ZC3H4: variants seen among roughly 807,000 people sequenced by gnomAD.
The protein encoded by ZC3H4 is zinc finger CCCH-type containing 4, also known as zinc finger CCCH domain-containing protein 4.
ZC3H4 carries 13 observed loss-of-function variants against 108.3 expected under a neutral mutation model. The observed-to-expected ratio is 0.12, with a 90% CI of 0.08 to 0.19. ZC3H4 has a LOEUF of 0.19. Ranked by LOEUF, ZC3H4 falls within the 10% of genes least tolerant of loss-of-function variation. ZC3H4 has a pLI of 1.00. For missense variants in ZC3H4, 1,734 were observed against 1,838.8 expected (o/e 0.94, Z 1.04); for synonymous variants, 917 against 749.6 (o/e 1.22, Z -3.65).
At position 47,069,226 on chromosome 19, in the gene ZC3H4, C is replaced by T. The variant is rs565759816; in HGVS notation, c.2264G>A (p.Gly755Asp). Residue 755 changes from glycine (G) to aspartate (D), a missense_variant, in exon 14 of 15, where the codon GGC (glycine) becomes GAC (aspartate). Physicochemically the swap from Gly to Asp is moderately conservative, Grantham distance 94 (BLOSUM62 -1). Transcript: ENST00000253048. Reference protein sequence around the residue: ...EGGPPGRPKPGAGVPDFLPSA... With the variant: ...EGGPPGRPKPDAGVPDFLPSA... ...GGGCAGGAAGTCAGGGACACCGGCG[C>T]CTGGCTTCGGCCGGCCTGGGGGCCC... 1.9e-6 allele frequency: 3 copies of T among 1,613,380 alleles called. No homozygotes were observed. The African/African-American group carries it at 4.0e-5, about 21-fold the overall frequency.
At chr19:47,078,143 G>GC (rs1568541167) in intron 11 of ZC3H4, among the ~76,000 whole-genome samples, 1 of 151,886 alleles carries the variant, frequency 6.6e-6, no homozygotes, top group African/African-American at 2.4e-5. Context: ...CATACAAAAA[G>GC]CCCCCCTAAA....
intron 5 of ZC3H4, among the ~76,000 whole-genome samples, chr19:47,089,375 T>C (rs1188899252): frequency 6.6e-6 from 1 of 151,990 alleles, no homozygotes; most frequent in Non-Finnish European, 1.5e-5. Context: ...TTTTGGTTGC[T>C]GTTGTTGGTC....
chr19:47,104,983 C>T (rs374338785), intron 2 of ZC3H4, among the ~76,000 whole-genome samples: 401 of 151,858 alleles, frequency 2.6e-3, no homozygotes, highest in African/African-American at 9.3e-3. Flanking sequence ...ATGAAAATCC[C>T]TTCCATTTAA....
At chr19:47,081,768 G>A in intron 10 of ZC3H4, 146 bp from the exon 11 acceptor site, 2 of 713,346 alleles carry the variant, frequency 2.8e-6, no homozygotes, top group Non-Finnish European at 4.8e-6. Flanking sequence ...GGGCTGCTCA[G>A]TGGGTTGGCA....
chr19:47,071,434 G>T (rs1355141940), intron 13 of ZC3H4, among the ~76,000 whole-genome samples: 1 of 152,180 alleles, frequency 6.6e-6, no homozygotes, highest in Non-Finnish European at 1.5e-5. Context: ...TGCCCGGAAA[G>T]AGATGGTTTT....
At position 47,067,307 on chromosome 19, in the gene ZC3H4, T is replaced by A. The variant is rs569108744; in HGVS notation, c.2961A>T (p.Leu987=). Residue 987 remains leucine (L), a synonymous_variant, in exon 15 of 15, where the codon CTA becomes CTT. Coordinates refer to ENST00000253048, the MANE Select transcript of ZC3H4 (RefSeq NM_015168.2). The surrounding 1 kb of genome is among the most constrained non-coding windows in gnomAD (Gnocchi z 6.4). ...GCACTGCGTCCTGCTTGGGGATGGG[T>A]AGGGGGATCAGGTCCTCGGGATTCC... ...VLWNPEDLIP[L]PIPKQDAVPP... is the part of the protein sequence containing the mutation. 5.6e-6 allele frequency: 9 copies of A among 1,593,192 alleles called. No individual in the cohort carries two copies. The South Asian group carries it at 1.0e-4, about 18-fold the overall frequency.
Position 47,097,426 on chromosome 19 carries a change from G to A in ZC3H4, c.162-2818C>T, listed in dbSNP as rs1471017353. On this transcript the variant is annotated intron_variant, in intron 2 of 14. Coordinates refer to ENST00000253048, the MANE Select transcript of ZC3H4 (RefSeq NM_015168.2). ...CCATGTCAGGCCCTCAAGCCCCTCC[G>A]AGCCCTGGGCTAACTTCTGTCCACA... Among the ~76,000 whole-genome samples, 6 of 152,180 alleles carry A rather than the reference G, an allele frequency of 3.9e-5. No individual in the cohort carries two copies. In the East Asian group the frequency reaches 7.7e-4, roughly 20 times the overall value.
chr19:47,079,461 G>A (rs992166386), intron 11 of ZC3H4, among the ~76,000 whole-genome samples: 8 of 151,378 alleles, frequency 5.3e-5, no homozygotes, highest in African/African-American at 1.9e-4. Context: ...GGGCAGCACT[G>A]GCCTGAAGCA....
chr19:47,072,101 G>T lies in ZC3H4; in HGVS notation c.1823C>A (p.Pro608His). 6.5e-7 allele frequency: 1 copy of T among 1,538,460 alleles called. No homozygotes were observed. The highest frequency in any genetic ancestry group is 8.7e-7 in the Non-Finnish European group (1 of 1,146,076). Residue 608 changes from proline (P) to histidine (H), a missense_variant, in exon 13 of 15, where the codon CCC (proline) becomes CAC (histidine). Coordinates refer to ENST00000253048, the MANE Select transcript of ZC3H4 (RefSeq NM_015168.2). The surrounding 1 kb of genome is among the most constrained non-coding windows in gnomAD (Gnocchi z 5.6). Reference sequence around the variant, plus strand: ...GGGCCCAGGGCCCATTGGCCCTGGGGGTCCACCGGGTCCAGGGAACCTAGA... The same window carrying T: ...GGGCCCAGGGCCCATTGGCCCTGGGTGTCCACCGGGTCCAGGGAACCTAGA... ...LGVRFPGPGG[P>H]PGPMGPGPNM...
At chr19:47,109,587 C>T (rs1241302818) in intron 2 of ZC3H4, among the ~76,000 whole-genome samples, 1 of 152,146 alleles carries the variant, frequency 6.6e-6, no homozygotes, top group Non-Finnish European at 1.5e-5. Context: ...ACATTTCTTG[C>T]AGGATATCGT....
intron 2 of ZC3H4, 93 bp from the exon 3 acceptor site, chr19:47,094,701 C>T (rs2057793423): frequency 3.0e-6 from 4 of 1,342,358 alleles, no homozygotes; most frequent in Non-Finnish European, 1.0e-6. Context: ...GAACCGAAGG[C>T]CTGACTGCTG....
intron 1 of ZC3H4, 36 bp downstream of exon 1, chr19:47,113,684 G>A (rs989696648): frequency 2.6e-5 from 4 of 152,096 alleles, no homozygotes; most frequent in Admixed American, 2.0e-4. Context: ...TGGGAGGGAA[G>A]GAATTCAGGC....
In ZC3H4 at chr19:47,065,211, A is replaced by C. The variant is rs2057177748; in HGVS notation, c.*1145T>G. On this transcript the variant is annotated 3_prime_UTR_variant, in exon 15 of 15. Coordinates refer to ENST00000253048, the MANE Select transcript of ZC3H4 (RefSeq NM_015168.2). ...TCCCCTGGCTGCAGGGTTCCCACTCAGTCCGTTTCTTAAGTGTCCACAAAT... is the reference window on the plus strand; with the variant it reads ...TCCCCTGGCTGCAGGGTTCCCACTCCGTCCGTTTCTTAAGTGTCCACAAAT... The C allele has an allele frequency of 1.3e-5, 2 of 152,346 alleles. No individual in the cohort carries two copies. 9.4% of individuals were successfully genotyped at this position (152,346 alleles called of 1,614,324 possible).
At chr19:47,110,687 T>C (rs186857078) in intron 2 of ZC3H4, among the ~76,000 whole-genome samples, 23 of 152,282 alleles carry the variant, frequency 1.5e-4, no homozygotes, top group Non-Finnish European at 2.5e-4. Context: ...GAGAACTCCT[T>C]AGAGGTCGAA....
chr19:47,089,696 G>C (rs1159048182), intron 5 of ZC3H4, among the ~76,000 whole-genome samples: 5 of 104,380 alleles, frequency 4.8e-5, no homozygotes, highest in African/African-American at 1.0e-4. Context: ...AAGAGAAGCT[G>C]TTCCCTTCTC....
In ZC3H4 at chr19:47,066,636, G is replaced by A. The variant is rs745499950; in HGVS notation, c.3632C>T (p.Pro1211Leu). ...TGKAGADGGT[P>L]TDRYNSYNRP... Reference sequence around the variant, plus strand: ...GTTGTAGCTGTTGTATCTGTCCGTGGGGGTGCCCCCATCAGCACCGGCCTT... The same window carrying A: ...GTTGTAGCTGTTGTATCTGTCCGTGAGGGTGCCCCCATCAGCACCGGCCTT... The change falls in exon 15 of 15, where the codon CCC (proline) becomes CTC (leucine). Residue 1211 changes from proline to leucine, a missense_variant. Physicochemically the swap from Pro to Leu is moderately conservative, Grantham distance 98 (BLOSUM62 -3). This residue lies in a region of ZC3H4 where 518 missense variants were observed against 499.6 expected (regional missense o/e 1.04). Coordinates refer to ENST00000253048, the MANE Select transcript of ZC3H4 (RefSeq NM_015168.2). The A allele has an allele frequency of 6.2e-7, 1 of 1,611,950 alleles. No homozygotes were observed. The highest frequency in any genetic ancestry group is 8.5e-7 in the Non-Finnish European group (1 of 1,179,646).
chr19:47,083,928 A>G (rs2057568115), intron 9 of ZC3H4, among the ~76,000 whole-genome samples: 1 of 150,600 alleles, frequency 6.6e-6, no homozygotes, highest in Admixed American at 6.6e-5. Flanking sequence ...CTGACATTGA[A>G]CTCTGCTATG....
At chr19:47,106,179 G>A (rs1220057823) in intron 2 of ZC3H4, among the ~76,000 whole-genome samples, 2 of 152,198 alleles carry the variant, frequency 1.3e-5, no homozygotes, top group African/African-American at 2.4e-5. Flanking sequence ...CAAAGACACT[G>A]ACTTAGGAGA....
At chr19:47,073,639 G>A (rs545739440) in intron 11 of ZC3H4, among the ~76,000 whole-genome samples, 1 of 152,170 alleles carries the variant, frequency 6.6e-6, no homozygotes, top group Non-Finnish European at 1.5e-5. Flanking sequence ...TTATGTAACC[G>A]CCACCTCTAT....
Sources: allele counts gnomAD v4.1 joint callset (sites outside exome capture counted in the v4.1 genomes callset), GRCh38; gene constraint gnomAD v4.1.1; regional missense constraint gnomAD v4.1.1; non-coding constraint Gnocchi (gnomAD v3.1); transcripts MANE v1.5; gene names NCBI Gene and HGNC (gene_info 2026-07-23, HGNC 2026-07-21).